DLG2: variants seen among roughly 807,000 people sequenced by gnomAD.
The protein encoded by DLG2 is disks large homolog 2.
DLG2 carries 45 observed loss-of-function variants against 132.5 expected under a neutral mutation model. The observed-to-expected ratio is 0.34, with a 90% CI of 0.27 to 0.44. The LOEUF (loss-of-function observed/expected upper bound fraction) is 0.44, where lower values mean the gene tolerates loss of function less well. DLG2 is among the 20% of genes least tolerant of loss of function. DLG2 has a pLI of 1.00. For missense variants in DLG2, 1,045 were observed against 1,196.9 expected, an observed-to-expected ratio of 0.87 and a Z score of 1.87; for synonymous variants, 424 against 419.6, an observed-to-expected ratio of 1.01 and a Z score of -0.13.
At chr11:84,069,570 C>T (rs180866142) in intron 10 of DLG2, among the ~76,000 whole-genome samples, 2 of 152,352 alleles carry the variant, frequency 1.3e-5, no homozygotes, top group Middle Eastern at 3.4e-3. Flanking sequence ...GCTCTCGTCT[C>T]TAACTCTGAA....
intron 10 of DLG2, among the ~76,000 whole-genome samples, chr11:84,061,792 T>A (rs1324723648): frequency 6.0e-5 from 9 of 150,904 alleles, no homozygotes; most frequent in Admixed American, 2.6e-4. Flanking sequence ...CAATGTCATT[T>A]CATCATAACA....
At chr11:85,377,176 T>C (rs1444560854) in intron 3 of DLG2, among the ~76,000 whole-genome samples, 1 of 152,212 alleles carries the variant, frequency 6.6e-6, no homozygotes, top group Non-Finnish European at 1.5e-5. Flanking sequence ...TGAGATTGCA[T>C]ACTCTTTTTG....
intron 16 of DLG2, among the ~76,000 whole-genome samples, chr11:83,871,903 G>T (rs1024474870): frequency 3.3e-5 from 5 of 152,008 alleles, no homozygotes; most frequent in Non-Finnish European, 5.9e-5. Flanking sequence ...AGAACACTTA[G>T]ACTAAGTGTA....
chr11:84,873,505 T>C (rs184418542), intron 6 of DLG2, among the ~76,000 whole-genome samples: 6 of 152,316 alleles, frequency 3.9e-5, no homozygotes, highest in African/African-American at 1.4e-4. Context: ...TAATAACTAA[T>C]ATATTTACCA....
chr11:83,979,020 T>C (rs1331433289), intron 12 of DLG2, among the ~76,000 whole-genome samples: 1 of 152,120 alleles, frequency 6.6e-6, no homozygotes, highest in Non-Finnish European at 1.5e-5. Flanking sequence ...ATATAAAATG[T>C]ACTGCTGTTA....
intron 25 of DLG2, among the ~76,000 whole-genome samples, chr11:83,467,772 T>TAA (rs1491489976): frequency 6.6e-5 from 1 of 15,210 alleles, no homozygotes; most frequent in Non-Finnish European, 9.9e-5. Flanking sequence ...AAACTATATG[T>TAA]ATATATATAT....
At chr11:85,381,702 T>C (rs1472008878) in intron 3 of DLG2, among the ~76,000 whole-genome samples, 1 of 152,158 alleles carries the variant, frequency 6.6e-6, no homozygotes, top group Non-Finnish European at 1.5e-5. Context: ...TTGTATTTTA[T>C]ATACTAGCAA....
intron 16 of DLG2, among the ~76,000 whole-genome samples, chr11:83,855,357 C>A (rs981568817): frequency 1.3e-5 from 2 of 152,164 alleles, no homozygotes; most frequent in Non-Finnish European, 2.9e-5. Context: ...CACAAAAAAA[C>A]CTGCACCTGC....
intron 7 of DLG2, among the ~76,000 whole-genome samples, chr11:84,350,180 C>CA (rs1417229282): frequency 3.5e-5 from 5 of 143,430 alleles, no homozygotes; most frequent in East Asian, 2.1e-4. Context: ...TTCGTCCCCC[C>CA]CCCCAAAAAA....
chr11:84,441,189 C>T (rs2099016370), intron 7 of DLG2, among the ~76,000 whole-genome samples: 1 of 151,412 alleles, frequency 6.6e-6, no homozygotes, highest in African/African-American at 2.4e-5. Flanking sequence ...TTCTGTCACC[C>T]AGGATGGAGT....
At chr11:84,411,960 T>C (rs2098907552) in intron 7 of DLG2, among the ~76,000 whole-genome samples, 1 of 151,564 alleles carries the variant, frequency 6.6e-6, no homozygotes, top group Admixed American at 6.6e-5. Context: ...TACTATGTAC[T>C]GGATTTTACA....
chr11:85,272,436 G>C (rs1448879311), intron 4 of DLG2, among the ~76,000 whole-genome samples: 16 of 152,164 alleles, frequency 1.1e-4, no homozygotes, highest in Admixed American at 1.0e-3. Flanking sequence ...CTGTAGGATA[G>C]GCTAGAAGTC....
intron 3 of DLG2, among the ~76,000 whole-genome samples, chr11:85,558,540 T>C (rs2077052841): frequency 1.3e-5 from 2 of 151,750 alleles, no homozygotes; most frequent in Admixed American, 6.6e-5. Flanking sequence ...AGAATCAACA[T>C]AGGTGCCCAT....
At chr11:84,822,862 C>A (rs1293115142) in intron 6 of DLG2, among the ~76,000 whole-genome samples, 1 of 151,860 alleles carries the variant, frequency 6.6e-6, no homozygotes, top group Non-Finnish European at 1.5e-5. Context: ...CTTAATTGAG[C>A]CACAGTATTT....
At chr11:84,918,598 A>C (rs1188040905) in intron 6 of DLG2, among the ~76,000 whole-genome samples, 1 of 152,160 alleles carries the variant, frequency 6.6e-6, no homozygotes, top group Non-Finnish European at 1.5e-5. Flanking sequence ...AAATGTCTGA[A>C]TTCTAGAGTG....
intron 14 of DLG2, among the ~76,000 whole-genome samples, chr11:83,951,864 T>A (rs985535575): frequency 6.6e-6 from 1 of 152,142 alleles, no homozygotes; most frequent in Non-Finnish European, 1.5e-5. Flanking sequence ...AATTAAATGA[T>A]AGATGATATG....
chr11:84,965,758 T>C (rs1413413327), intron 6 of DLG2, among the ~76,000 whole-genome samples: 2 of 151,968 alleles, frequency 1.3e-5, no homozygotes, highest in Non-Finnish European at 2.9e-5. Flanking sequence ...GAAAATATGC[T>C]AAGAATCTGA....
chr11:84,576,181 T>C (rs1322283403), intron 6 of DLG2, among the ~76,000 whole-genome samples: 1 of 152,214 alleles, frequency 6.6e-6, no homozygotes, highest in Non-Finnish European at 1.5e-5. Flanking sequence ...TATAATACAA[T>C]TCACTTTTTC....
At chr11:83,827,163 C>T (rs550366529) in intron 17 of DLG2, among the ~76,000 whole-genome samples, 1 of 152,044 alleles carries the variant, frequency 6.6e-6, no homozygotes, top group Admixed American at 6.5e-5. Flanking sequence ...TTCAGGAAAT[C>T]GAAGAAATAA....
Sources: allele counts gnomAD v4.1 joint callset (sites outside exome capture counted in the v4.1 genomes callset), GRCh38; gene constraint gnomAD v4.1.1; transcripts MANE v1.5; gene names NCBI Gene and HGNC (gene_info 2026-07-23, HGNC 2026-07-21).